The following NMBR variants were observed in gnomAD, a reference collection of about 807,000 sequenced individuals.
The protein encoded by NMBR is neuromedin-B receptor.
NMBR carries 16 observed loss-of-function variants against 20.5 expected under a neutral mutation model. The observed-to-expected ratio is 0.78, with a 90% CI of 0.53 to 1.19. NMBR has a LOEUF of 1.19. Among genes scored for constraint, NMBR ranks in the 50% most tolerant of loss-of-function variants. NMBR has a pLI of 0.00. For synonymous variants in NMBR, 212 were observed against 196.6 expected, an observed-to-expected ratio of 1.08 and a Z score of -0.65; for missense variants, 582 against 499.1, an observed-to-expected ratio of 1.17 and a Z score of -1.58.
Position 142,136,218 on chromosome 6 carries a change from C to G in NMBR, c.-664+10826G>C, listed in dbSNP as rs376124998. Reference sequence around the variant, plus strand: ...TGGTGTGAGATGGTATCTCCTTGTGCTTTTGATTTGCATTTCTCTGATGGC... The same window carrying G: ...TGGTGTGAGATGGTATCTCCTTGTGGTTTTGATTTGCATTTCTCTGATGGC... On this transcript the variant is annotated intron_variant, in intron 1 of 3. Transcript: ENST00000258042. Among the ~76,000 whole-genome samples, 100 of 152,166 alleles carry G rather than the reference C, an allele frequency of 6.6e-4. 1 individual carries two copies. In the Middle Eastern group the frequency reaches 0.014, roughly 21 times the overall value.
chr6:142,137,870 T>C (rs115467906), intron 1 of NMBR, among the ~76,000 whole-genome samples: 2,159 of 152,248 alleles, frequency 0.014, 58 homozygotes, highest in African/African-American at 0.05. Flanking sequence ...GGATATTCAA[T>C]CAGTTTTCTT....
intron 1 of NMBR, among the ~76,000 whole-genome samples, chr6:142,091,601 A>G (rs1266434877): frequency 6.6e-6 from 1 of 152,192 alleles, no homozygotes; most frequent in African/African-American, 2.4e-5. Context: ...AATGTTTATC[A>G]ATATTCCTGG....
chr6:142,078,947 A>C (rs1420583791), intron 2 of NMBR, 44 bp from the exon 3 acceptor site: 1 of 1,332,480 alleles, frequency 7.5e-7, no homozygotes, highest in South Asian at 1.5e-5. Flanking sequence ...AAGAAAGGAA[A>C]GAAAAAAGAG....
rs748895954 is a variant in NMBR at position 142,088,663 on chromosome 6, T to C, written c.-5A>G. On this transcript the variant is annotated 5_prime_UTR_variant, in exon 2 of 4. Coordinates refer to ENST00000258042, the MANE Select transcript of NMBR (RefSeq NM_002511.4). ...GGAAAGAGACTTAGAGGGCATGATC[T>C]CCTTTCCAGCAGAGTCCGCTGGAGT... The C allele has an allele frequency of 6.3e-7, 1 of 1,595,672 alleles. No homozygotes were observed. Among genetic ancestry groups the C allele is most frequent in the Non-Finnish European group, 8.5e-7 (1 of 1,176,350 alleles).
chr6:142,119,826 G>A (rs1452958888), intron 1 of NMBR, among the ~76,000 whole-genome samples: 1 of 151,868 alleles, frequency 6.6e-6, no homozygotes, highest in African/African-American at 2.4e-5. Flanking sequence ...AACCCACAGA[G>A]TCTGGCTTAT....
chr6:142,087,449 T>C (rs1777220398), intron 2 of NMBR, among the ~76,000 whole-genome samples: 1 of 152,170 alleles, frequency 6.6e-6, no homozygotes, highest in Non-Finnish European at 1.5e-5. Context: ...GTCAGGAGAC[T>C]TGGATTTTCC....
chr6:142,125,827 T>C (rs1778026577), intron 1 of NMBR, among the ~76,000 whole-genome samples: 1 of 151,830 alleles, frequency 6.6e-6, no homozygotes, highest in Admixed American at 6.6e-5. Context: ...CTAATTGACA[T>C]ATCCATCGCC....
At position 142,088,807 on chromosome 6, in the gene NMBR, C is replaced by G. The variant is rs867045523; in HGVS notation, c.-149G>C. 2 of 693,798 alleles carry G rather than the reference C, an allele frequency of 2.9e-6. No homozygotes were observed. Among genetic ancestry groups the G allele is most frequent in the Non-Finnish European group, 4.7e-6 (2 of 422,034 alleles). The allele number at this position is 693,798 out of a possible 1,614,324, so 43.0% of individuals were successfully genotyped here. ...GGGCAAGCCTCACAGCACCACGTCCCTAAGAGTTCAGGACCTGGGGAGGGG... is the reference window on the plus strand; with the variant it reads ...GGGCAAGCCTCACAGCACCACGTCCGTAAGAGTTCAGGACCTGGGGAGGGG... On this transcript the variant is annotated 5_prime_UTR_variant, in exon 2 of 4. Coordinates refer to ENST00000258042, the MANE Select transcript of NMBR (RefSeq NM_002511.4).
chr6:142,100,731 A>C (rs9496271), intron 1 of NMBR, among the ~76,000 whole-genome samples: 94,132 of 151,992 alleles, frequency 0.62, 30,532 homozygotes, highest in East Asian at 0.84. Flanking sequence ...ATAGGTTCAA[A>C]TAATTGTAAC....
At chr6:142,082,073 T>C (rs1309719056) in intron 2 of NMBR, among the ~76,000 whole-genome samples, 1 of 152,174 alleles carries the variant, frequency 6.6e-6, no homozygotes, top group East Asian at 1.9e-4. Context: ...AAATGGGATA[T>C]TTTTTACCTC....
intron 1 of NMBR, among the ~76,000 whole-genome samples, chr6:142,120,788 G>C (rs1777932252): frequency 6.6e-6 from 1 of 151,930 alleles, no homozygotes; most frequent in Non-Finnish European, 1.5e-5. Flanking sequence ...CAGAATAAGT[G>C]CATGCCAGAA....
chr6:142,095,064 G>A (rs1264537832), intron 1 of NMBR, among the ~76,000 whole-genome samples: 1 of 152,010 alleles, frequency 6.6e-6, no homozygotes, highest in African/African-American at 2.4e-5. Flanking sequence ...TGAGACAATG[G>A]GGTTTTCTAG....
At chr6:142,092,624 T>C (rs1777350122) in intron 1 of NMBR, among the ~76,000 whole-genome samples, 1 of 152,102 alleles carries the variant, frequency 6.6e-6, no homozygotes, top group Non-Finnish European at 1.5e-5. Context: ...CACAAAACAG[T>C]GATCCCTAAG....
At chr6:142,126,120 TC>T (rs1273829104) in intron 1 of NMBR, among the ~76,000 whole-genome samples, 1 of 151,912 alleles carries the variant, frequency 6.6e-6, no homozygotes, top group Non-Finnish European at 1.5e-5. Context: ...TTTTAGAGAT[TC>T]CATATACAGT....
intron 1 of NMBR, among the ~76,000 whole-genome samples, chr6:142,107,600 C>G (rs1175166190): frequency 6.6e-6 from 1 of 151,964 alleles, no homozygotes; most frequent in African/African-American, 2.4e-5. Flanking sequence ...CTAAAAAATC[C>G]AACAAGTTCC....
At position 142,147,082 on chromosome 6, in the gene NMBR, A is replaced by G. The variant is rs1582870168; in HGVS notation, c.-702T>C. 3.5e-6 allele frequency: 2 copies of G among 575,710 alleles called. No individual in the cohort carries two copies. Among genetic ancestry groups the G allele is most frequent in the East Asian group, 5.6e-5 (2 of 35,894 alleles). 35.7% of individuals were successfully genotyped at this position (575,710 alleles called of 1,614,324 possible). A position where few individuals can be genotyped will look rare whatever the true frequency, so the allele number is the denominator to read the frequency against. ...TAGCGCCATGCGCGGCATAAGCGCC[A>G]AAATGCTCGGGTCTTCTGTGGGTTC... On this transcript the variant is annotated 5_prime_UTR_variant, in exon 1 of 4. Coordinates refer to ENST00000258042, the MANE Select transcript of NMBR (RefSeq NM_002511.4).
At chr6:142,132,802 T>G (rs980409885) in intron 1 of NMBR, among the ~76,000 whole-genome samples, 21 of 152,180 alleles carry the variant, frequency 1.4e-4, no homozygotes, top group African/African-American at 4.8e-4. Flanking sequence ...TTTAGGTAAT[T>G]GCAGAAGCGT....
intron 1 of NMBR, among the ~76,000 whole-genome samples, chr6:142,093,587 A>C (rs1045162101): frequency 7.9e-5 from 12 of 152,006 alleles, no homozygotes; most frequent in African/African-American, 2.9e-4. Flanking sequence ...AGTCTTTGCC[A>C]TTGTGAATAG....
chr6:142,116,472 A>C (rs1355395661), intron 1 of NMBR, among the ~76,000 whole-genome samples: 1 of 152,000 alleles, frequency 6.6e-6, no homozygotes, highest in Non-Finnish European at 1.5e-5. Flanking sequence ...AATTACTAGG[A>C]CCATACATCC....
Sources: allele counts gnomAD v4.1 joint callset (sites outside exome capture counted in the v4.1 genomes callset), GRCh38; gene constraint gnomAD v4.1.1; transcripts MANE v1.5; gene names NCBI Gene and HGNC (gene_info 2026-07-23, HGNC 2026-07-21).